Variants in CATSPERE observed in about 807,000 individuals in gnomAD.
CATSPERE encodes the protein catsper channel auxiliary subunit epsilon.
CATSPERE carries 93 observed loss-of-function variants against 114.1 expected under a neutral mutation model. That is an observed-to-expected ratio of 0.81 (90% CI 0.69 to 0.97). CATSPERE has a LOEUF of 0.97. Among genes scored for constraint, CATSPERE ranks in the 50% least tolerant of loss-of-function variants. The pLI is 0.00. For missense variants in CATSPERE, 1,058 were observed against 1,131.6 expected (o/e 0.93, Z 0.93); for synonymous variants, 341 against 384.1 (o/e 0.89, Z 1.31).
At chr1:244,490,389 T>C (rs948736448) in intron 5 of CATSPERE, 58 bp from the exon 6 acceptor site, 2 of 1,161,654 alleles carry the variant, frequency 1.7e-6, no homozygotes, top group Non-Finnish European at 2.5e-6. Flanking sequence ...AAGTAGAATA[T>C]TCGACCTAAT....
intron 8 of CATSPERE, among the ~76,000 whole-genome samples, chr1:244,552,080 A>AAG (rs1193709545): frequency 2.0e-5 from 3 of 150,870 alleles, no homozygotes; most frequent in Non-Finnish European, 4.4e-5. Context: ...AAAAAAAAAA[A>AAG]AAAAAAAGAA....
intron 8 of CATSPERE, among the ~76,000 whole-genome samples, chr1:244,531,044 A>G (rs1679498363): frequency 6.6e-6 from 1 of 151,822 alleles, no homozygotes; most frequent in South Asian, 2.1e-4. Flanking sequence ...CCTGACCAAC[A>G]TGCTGAAATC....
At chr1:244,584,910 A>G (rs1261232320) in intron 13 of CATSPERE, among the ~76,000 whole-genome samples, 1 of 152,116 alleles carries the variant, frequency 6.6e-6, no homozygotes, top group Non-Finnish European at 1.5e-5. Flanking sequence ...TGCCTACCAC[A>G]TGCCAGCTTA....
intron 8 of CATSPERE, among the ~76,000 whole-genome samples, chr1:244,545,150 T>G (rs746440252): frequency 7.2e-5 from 11 of 151,872 alleles, no homozygotes; most frequent in Non-Finnish European, 1.5e-4. Flanking sequence ...AGCTAAAGAG[T>G]GAAGAAAAAA....
At chr1:244,467,527 G>A (rs964946273) in intron 2 of CATSPERE, among the ~76,000 whole-genome samples, 1 of 152,138 alleles carries the variant, frequency 6.6e-6, no homozygotes, top group Admixed American at 6.5e-5. Flanking sequence ...AATGCAGGTT[G>A]GTATAACCAC....
At chr1:244,635,433 G>C in intron 20 of CATSPERE, 56 bp from the exon 21 acceptor site, 1 of 1,314,196 alleles carries the variant, frequency 7.6e-7, no homozygotes, top group Non-Finnish European at 1.1e-6. Context: ...CATGGAGAGC[G>C]TTTTAAAATA....
chr1:244,524,424 G>A (rs369391739), intron 8 of CATSPERE, among the ~76,000 whole-genome samples: 13,736 of 136,774 alleles, frequency 0.1, 1,058 homozygotes, highest in African/African-American at 0.24. Context: ...GGACATAGGC[G>A]TGGGCAAGGA....
intron 8 of CATSPERE, among the ~76,000 whole-genome samples, chr1:244,524,324 T>C (rs373195799): frequency 0.014 from 2,153 of 149,646 alleles, 30 homozygotes; most frequent in East Asian, 0.043. Context: ...TTACACCTTA[T>C]ACAAAAATCA....
intron 7 of CATSPERE, among the ~76,000 whole-genome samples, 194 bp from the exon 8 acceptor site, chr1:244,518,398 T>C (rs1676980866): frequency 6.6e-6 from 1 of 152,244 alleles, no homozygotes; most frequent in African/African-American, 2.4e-5. Context: ...TTACAACTTA[T>C]TTATAATTCA....
chr1:244,517,707 AG>A (rs1296827502), intron 7 of CATSPERE, among the ~76,000 whole-genome samples: 2 of 151,366 alleles, frequency 1.3e-5, no homozygotes. Flanking sequence ...CAGGAGGTAG[AG>A]GTTGCAGTGA....
At chr1:244,456,513 C>T (rs1166712857), upstream of CATSPERE, among the ~76,000 whole-genome samples, 1 of 151,980 alleles carries the variant, frequency 6.6e-6, no homozygotes, top group Non-Finnish European at 1.5e-5. Flanking sequence ...ATTTTAATGC[C>T]TTTTTATTCA....
At chr1:244,597,150 T>G (rs1339119408) in intron 17 of CATSPERE, among the ~76,000 whole-genome samples, 3 of 152,198 alleles carry the variant, frequency 2.0e-5, no homozygotes, top group African/African-American at 4.8e-5. Flanking sequence ...CAGGTCTTTC[T>G]CCCACCAAAA....
At chr1:244,544,549 A>G (rs1488954413) in intron 8 of CATSPERE, among the ~76,000 whole-genome samples, 1 of 152,244 alleles carries the variant, frequency 6.6e-6, no homozygotes, top group Non-Finnish European at 1.5e-5. Context: ...GAGGATAATT[A>G]TGGTGAGTAA....
intron 13 of CATSPERE, among the ~76,000 whole-genome samples, chr1:244,584,256 A>G (rs970868949): frequency 2.6e-5 from 4 of 152,172 alleles, no homozygotes; most frequent in Non-Finnish European, 4.4e-5. Context: ...CAAAAATAAA[A>G]AGACAGGGTA....
chr1:244,630,785 C>T (rs924011748), intron 20 of CATSPERE, among the ~76,000 whole-genome samples: 4 of 151,892 alleles, frequency 2.6e-5, no homozygotes, highest in African/African-American at 4.8e-5. Context: ...ATGAGTGGTT[C>T]GCATCTGATC....
At chr1:244,518,421 G>A (rs1009736968) in intron 7 of CATSPERE, among the ~76,000 whole-genome samples, 171 bp from the exon 8 acceptor site, 1 of 152,194 alleles carries the variant, frequency 6.6e-6, no homozygotes, top group Non-Finnish European at 1.5e-5. Flanking sequence ...AAGTTCGCAT[G>A]GGGAGGAGGC....
At chr1:244,487,400 G>A (rs143428072) in intron 5 of CATSPERE, among the ~76,000 whole-genome samples, 48 of 152,218 alleles carry the variant, frequency 3.2e-4, no homozygotes, top group African/African-American at 9.4e-4. Context: ...TAGTCAAGCC[G>A]TGTAGCTTCC....
In CATSPERE at chr1:244,536,862, T is replaced by G. The variant is rs1354237855; in HGVS notation, c.537-15460T>G. Among the ~76,000 whole-genome samples the G allele has an allele frequency of 2.6e-5, 4 of 152,182 alleles. No homozygotes were observed. In the East Asian group the frequency reaches 7.7e-4, roughly 29 times the overall value. On this transcript the variant is annotated intron_variant, in intron 8 of 21. Coordinates refer to ENST00000366534, the MANE Select transcript of CATSPERE (RefSeq NM_001130957.2). The stretch of plus-strand genomic sequence containing the variant: ...TGTTCTGCCTCCATCCTCAAACTAG[T>G]TTTTTAAAGCATGTGAATTGACTTT...
In CATSPERE at chr1:244,572,729, A is replaced by G; in HGVS notation, c.1907A>G (p.Glu636Gly). The part of the protein sequence containing the change: ...YGPKILQESH[E>G]ISFEAAFGYC... Reference sequence around the variant, plus strand: ...CCAAAAATATTACAAGAGAGTCATGAGATTTCCTTTGAAGCTGCCTTTGGA... The same window carrying G: ...CCAAAAATATTACAAGAGAGTCATGGGATTTCCTTTGAAGCTGCCTTTGGA... Residue 636 changes from glutamate (E) to glycine (G), a missense_variant, in exon 11 of 22, where the codon GAG (glutamate) becomes GGG (glycine). Coordinates refer to ENST00000366534, the MANE Select transcript of CATSPERE (RefSeq NM_001130957.2). The G allele has an allele frequency of 6.2e-7, 1 of 1,610,548 alleles. No individual in the cohort carries two copies. Among genetic ancestry groups the G allele is most frequent in the Non-Finnish European group, 8.5e-7 (1 of 1,178,810 alleles).
Sources: gnomAD v4.1 joint callset for allele counts (sites outside exome capture counted in the v4.1 genomes callset) on GRCh38, gnomAD v4.1.1 for gene constraint, MANE v1.5 for transcripts, NCBI Gene and HGNC (gene_info 2026-07-23, HGNC 2026-07-21) for gene names.